TACR3: variants seen among roughly 807,000 people sequenced by gnomAD.
TACR3 encodes the protein neuromedin-K receptor.
TACR3 carries 34 observed loss-of-function variants against 35.0 expected under a neutral mutation model. That is an observed-to-expected ratio of 0.97 (90% CI 0.74 to 1.30). TACR3 has a LOEUF of 1.30. TACR3 is among the 50% of genes most tolerant of loss of function. The pLI is 0.00. For synonymous variants in TACR3, 233 were observed against 221.1 expected (o/e 1.05, Z -0.48); for missense variants, 558 against 591.7 (o/e 0.94, Z 0.59).
chr4:103,671,761 A>C (rs933317288), intron 1 of TACR3, among the ~76,000 whole-genome samples: 4 of 151,944 alleles, frequency 2.6e-5, no homozygotes, highest in African/African-American at 9.7e-5. Context: ...TTTGATGTAG[A>C]TCTTTATTGT....
intron 1 of TACR3, among the ~76,000 whole-genome samples, chr4:103,664,248 A>C (rs925284109): frequency 6.6e-6 from 1 of 152,140 alleles, no homozygotes; most frequent in Non-Finnish European, 1.5e-5. Context: ...TTTCTGATAT[A>C]ATTGAGGTGG....
intron 1 of TACR3, among the ~76,000 whole-genome samples, chr4:103,667,721 G>T (rs1332574228): frequency 1.3e-5 from 2 of 152,032 alleles, no homozygotes; most frequent in Non-Finnish European, 2.9e-5. Context: ...CCCCCTCAAA[G>T]TTGTAAAACA....
Position 103,614,964 on chromosome 4 carries a change from C to T in TACR3, c.889-23281G>A, listed in dbSNP as rs1281193496. 5.7e-5 allele frequency among the ~76,000 whole-genome samples: 8 copies of T among 140,540 alleles called. No homozygotes were observed. In the East Asian group the frequency reaches 8.9e-4, roughly 16 times the overall value. 92.2% of individuals were successfully genotyped at this position (140,540 alleles called of 152,430 possible). On this transcript the variant is annotated intron_variant, in intron 3 of 4. Coordinates refer to ENST00000304883, the MANE Select transcript of TACR3 (RefSeq NM_001059.3). The stretch of plus-strand genomic sequence containing the variant: ...GTCTGGAGTGCAGTGGCGCGATCTC[C>T]GCTCACTGCAAGCTCCGCCTCCCAG...
intron 1 of TACR3, among the ~76,000 whole-genome samples, chr4:103,711,418 A>G (rs954027599): frequency 1.3e-5 from 2 of 152,234 alleles, no homozygotes; most frequent in Non-Finnish European, 2.9e-5. Context: ...ATAGATGAAG[A>G]AAAGGTCTTT....
chr4:103,668,304 AT>A (rs1222088625), intron 1 of TACR3, among the ~76,000 whole-genome samples: 1 of 152,152 alleles, frequency 6.6e-6, no homozygotes, highest in Admixed American at 6.5e-5. Context: ...CAAGTGTGCA[AT>A]AGCATTATGT....
chr4:103,704,477 G>A (rs1645766000), intron 1 of TACR3, among the ~76,000 whole-genome samples: 1 of 152,154 alleles, frequency 6.6e-6, no homozygotes, highest in African/African-American at 2.4e-5. Context: ...CATGGCCAGG[G>A]AGACCTCAGG....
chr4:103,628,745 G>C (rs377142532), intron 3 of TACR3, among the ~76,000 whole-genome samples: 46 of 152,208 alleles, frequency 3.0e-4, no homozygotes, highest in Middle Eastern at 3.4e-3. Flanking sequence ...ACCATTCCTT[G>C]TGAAACTATT....
At chr4:103,704,360 T>G (rs1722738596) in intron 1 of TACR3, among the ~76,000 whole-genome samples, 1 of 152,128 alleles carries the variant, frequency 6.6e-6, no homozygotes, top group South Asian at 2.1e-4. Flanking sequence ...ATGGAAGTGT[T>G]GACATTGCTG....
intron 1 of TACR3, among the ~76,000 whole-genome samples, chr4:103,699,717 A>G (rs755333379): frequency 3.9e-5 from 6 of 152,096 alleles, no homozygotes; most frequent in Non-Finnish European, 7.4e-5. Context: ...GATGGATTGG[A>G]TATGTATGAA....
intron 3 of TACR3, among the ~76,000 whole-genome samples, chr4:103,616,761 A>C (rs755863395): frequency 3.5e-4 from 54 of 152,258 alleles, no homozygotes; most frequent in Admixed American, 3.4e-3. Context: ...AGCCTGAGCA[A>C]CATAGTACAA....
chr4:103,589,562 G>A lies in TACR3; in HGVS notation c.*120C>T. The A allele has an allele frequency of 2.7e-6, 3 of 1,102,692 alleles. No individual in the cohort carries two copies. The highest frequency in any genetic ancestry group is 4.0e-6 in the Non-Finnish European group (3 of 745,748). 68.3% of individuals were successfully genotyped at this position (1,102,692 alleles called of 1,614,324 possible). ...TACCTTTCTCAATTTGACCATAGCT[G>A]CCTAAAAATTGCTTTCTGTTTCTAG... On this transcript the variant is annotated 3_prime_UTR_variant, in exon 5 of 5. Transcript: ENST00000304883.
At chr4:103,596,085 C>A (rs1390511543) in intron 3 of TACR3, among the ~76,000 whole-genome samples, 13 of 150,164 alleles carry the variant, frequency 8.7e-5, no homozygotes, top group Middle Eastern at 3.4e-3. Context: ...TGAACTCATC[C>A]TTTTTTATGG....
intron 3 of TACR3, among the ~76,000 whole-genome samples, chr4:103,627,972 G>C (rs1037858744): frequency 2.0e-5 from 3 of 152,126 alleles, no homozygotes; most frequent in Non-Finnish European, 2.9e-5. Flanking sequence ...AATCAAATCA[G>C]AACTCAGGAT....
chr4:103,658,360 T>C lies in TACR3; in HGVS notation c.592A>G (p.Thr198Ala). 2.5e-6 allele frequency: 4 copies of C among 1,613,940 alleles called. No homozygotes were observed. In the South Asian group the frequency reaches 4.4e-5, roughly 18 times the overall value. Reference sequence around the variant, plus strand: ...CTTCCAATGACAATCTTGGTTGCTGTAGCAGACAGTCTGGGTTTCAAGGGA... The same window carrying C: ...CTTCCAATGACAATCTTGGTTGCTGCAGCAGACAGTCTGGGTTTCAAGGGA... Reference protein sequence around the residue: ...IDPLKPRLSATATKIVIGSIW... With the variant: ...IDPLKPRLSAAATKIVIGSIW... Residue 198 changes from threonine to alanine, a missense_variant, in exon 2 of 5, where the codon ACA becomes GCA. Coordinates refer to ENST00000304883, the MANE Select transcript of TACR3 (RefSeq NM_001059.3).
intron 1 of TACR3, among the ~76,000 whole-genome samples, chr4:103,667,672 C>A (rs1725962174): frequency 6.6e-6 from 1 of 152,046 alleles, no homozygotes; most frequent in African/African-American, 2.4e-5. Context: ...CACACTTTAC[C>A]ACTTATCTTA....
chr4:103,708,684 GC>G (rs1722857692), intron 1 of TACR3, among the ~76,000 whole-genome samples: 1 of 152,184 alleles, frequency 6.6e-6, no homozygotes, highest in Non-Finnish European at 1.5e-5. Flanking sequence ...GAGAGAAGAA[GC>G]CTTCAGATGA....
intron 1 of TACR3, among the ~76,000 whole-genome samples, chr4:103,673,399 T>G (rs928952745): frequency 1.3e-5 from 2 of 152,142 alleles, no homozygotes; most frequent in Admixed American, 6.6e-5. Flanking sequence ...GGTTATTAAT[T>G]GGCTTAATTT....
At chr4:103,601,495 A>G (rs1560802003) in intron 3 of TACR3, among the ~76,000 whole-genome samples, 2 of 152,060 alleles carry the variant, frequency 1.3e-5, no homozygotes, top group African/African-American at 4.8e-5. Flanking sequence ...GGTCTTTGCA[A>G]TTTGGCATGT....
intron 3 of TACR3, among the ~76,000 whole-genome samples, chr4:103,635,895 T>C (rs1360286423): frequency 6.6e-6 from 1 of 151,956 alleles, no homozygotes; most frequent in East Asian, 1.9e-4. Context: ...TCTCTTTCCA[T>C]TGTATTGTAA....
Sources: gnomAD v4.1 joint callset for allele counts (sites outside exome capture counted in the v4.1 genomes callset) on GRCh38, gnomAD v4.1.1 for gene constraint, MANE v1.5 for transcripts, NCBI Gene and HGNC (gene_info 2026-07-23, HGNC 2026-07-21) for gene names.